The following FAM210A variants were observed in gnomAD, a reference collection of about 807,000 sequenced individuals.
The protein encoded by FAM210A is family with sequence similarity 210 member A.
FAM210A carries 13 observed loss-of-function variants against 25.3 expected under a neutral mutation model. The ratio of observed to expected loss-of-function variants is 0.51; its 90% CI spans 0.33 to 0.82. The LOEUF (loss-of-function observed/expected upper bound fraction) is 0.82. Among genes scored for constraint, FAM210A ranks in the 40% least tolerant of loss-of-function variants. The pLI, the probability that FAM210A is intolerant of heterozygous loss-of-function variation, is 0.02. For synonymous variants in FAM210A, 125 were observed against 118.7 expected (o/e 1.05, Z -0.35); for missense variants, 319 against 323.2 (o/e 0.99, Z 0.10).
At chr18:13,676,023 C>T (rs1371987657) in intron 2 of FAM210A, among the ~76,000 whole-genome samples, 2 of 111,886 alleles carry the variant, frequency 1.8e-5, no homozygotes, top group African/African-American at 5.9e-5. Context: ...ATTCCTGAGC[C>T]GCTGACCTCT....
At chr18:13,692,773 A>G (rs991617739) in intron 1 of FAM210A, among the ~76,000 whole-genome samples, 1 of 152,216 alleles carries the variant, frequency 6.6e-6, no homozygotes, top group Non-Finnish European at 1.5e-5. Context: ...TTTATACACT[A>G]AATGCCCACA....
intron 1 of FAM210A, among the ~76,000 whole-genome samples, chr18:13,691,181 T>C (rs529138436): frequency 1.3e-4 from 20 of 151,960 alleles, no homozygotes; most frequent in Non-Finnish European, 2.4e-4. Context: ...ATGAATGAAA[T>C]GAAGCAAGAA....
intron 1 of FAM210A, among the ~76,000 whole-genome samples, chr18:13,693,371 G>A (rs1365422443): frequency 6.6e-6 from 1 of 152,148 alleles, no homozygotes; most frequent in Admixed American, 6.5e-5. Flanking sequence ...AGAAAAAGAG[G>A]GAATCCTCCC....
chr18:13,722,780 C>T (rs1012351632), intron 1 of FAM210A, among the ~76,000 whole-genome samples: 10 of 152,076 alleles, frequency 6.6e-5, no homozygotes, highest in African/African-American at 2.2e-4. Context: ...GACACAGAAA[C>T]TTTTCAGGTC....
chr18:13,719,767 G>A (rs1455118768), intron 1 of FAM210A, among the ~76,000 whole-genome samples: 1 of 151,852 alleles, frequency 6.6e-6, no homozygotes, highest in Non-Finnish European at 1.5e-5. Context: ...GCTGTACCAA[G>A]GCAAAAAAAT....
At chr18:13,696,034 T>C (rs1318692867) in intron 1 of FAM210A, among the ~76,000 whole-genome samples, 1 of 152,138 alleles carries the variant, frequency 6.6e-6, no homozygotes, top group African/African-American at 2.4e-5. Flanking sequence ...AAACAACATA[T>C]GTATGAGACC....
Position 13,671,921 on chromosome 18 carries a change from CCA to C in FAM210A, c.524_525del (p.Val175GlyfsTer20). The part of the protein sequence containing the change: ...FLELIGLPDS[V>X]VSILKNSQSG... ...CTCTGGGAGTTTTTCAGGATGCTTA[CCA>C]CACTGTCAGGTAACCCAATGAGTTC... On this transcript the variant is annotated frameshift_variant, in exon 3 of 4. Transcript: ENST00000651643. LOFTEE classifies it high-confidence loss of function. 6.2e-7 allele frequency: 1 copy of C among 1,613,416 alleles called. No homozygotes were observed. The highest frequency in any genetic ancestry group is 8.5e-7 in the Non-Finnish European group (1 of 1,179,790).
At chr18:13,693,369 A>T (rs894386461) in intron 1 of FAM210A, among the ~76,000 whole-genome samples, 6 of 152,264 alleles carry the variant, frequency 3.9e-5, no homozygotes, top group African/African-American at 1.4e-4. Context: ...ACAGAAAAAG[A>T]GGGAATCCTC....
At chr18:13,694,487 C>T (rs1257543024) in intron 1 of FAM210A, among the ~76,000 whole-genome samples, 1 of 152,154 alleles carries the variant, frequency 6.6e-6, no homozygotes, top group Non-Finnish European at 1.5e-5. Context: ...CTACAGTAAC[C>T]AAAACAGCAT....
chr18:13,688,545 C>T (rs1264630485), intron 1 of FAM210A, among the ~76,000 whole-genome samples: 1 of 152,240 alleles, frequency 6.6e-6, no homozygotes, highest in Non-Finnish European at 1.5e-5. Context: ...TAAAATTCTC[C>T]ATATTCATTA....
At chr18:13,673,248 C>T (rs1423941288) in intron 2 of FAM210A, among the ~76,000 whole-genome samples, 13 of 151,832 alleles carry the variant, frequency 8.6e-5, no homozygotes, top group Non-Finnish European at 1.8e-4. Context: ...TGAGCCCCGA[C>T]TTCATTTCCA....
At chr18:13,698,126 G>A (rs1601958267) in intron 1 of FAM210A, among the ~76,000 whole-genome samples, 1 of 152,098 alleles carries the variant, frequency 6.6e-6, no homozygotes, top group South Asian at 2.1e-4. Flanking sequence ...GCTGAGGCAG[G>A]TGGCTCACCT....
rs2043375535 is a variant in FAM210A at position 13,663,420 on chromosome 18, T to G, written c.*3060A>C. On this transcript the variant is annotated 3_prime_UTR_variant, in exon 4 of 4. Coordinates refer to ENST00000651643, the MANE Select transcript of FAM210A (RefSeq NM_152352.4). ...AATCTCAGTATAAGCATTCTTTTTC[T>G]CCTTTCTTGAAATCTGTAAACAGCA... 2.0e-5 allele frequency: 3 copies of G among 152,112 alleles called. No individual in the cohort carries two copies. Among genetic ancestry groups the G allele is most frequent in the South Asian group, 2.1e-4 (1 of 4,826 alleles). The allele number at this position is 152,112 out of a possible 1,614,324, so 9.4% of individuals were successfully genotyped here. A position where few individuals can be genotyped will look rare whatever the true frequency, so the allele number is the denominator to read the frequency against.
chr18:13,715,548 G>A (rs1401093551), intron 1 of FAM210A, among the ~76,000 whole-genome samples: 1 of 152,054 alleles, frequency 6.6e-6, no homozygotes, highest in East Asian at 1.9e-4. Context: ...ATGACAAACT[G>A]GGCAGTCACT....
At chr18:13,722,119 T>A (rs2043901839) in intron 1 of FAM210A, among the ~76,000 whole-genome samples, 2 of 151,946 alleles carry the variant, frequency 1.3e-5, no homozygotes, top group South Asian at 2.1e-4. Flanking sequence ...ACTCTTCTGC[T>A]TATAGAGATC....
chr18:13,725,155 T>G (rs1250577064), intron 1 of FAM210A, among the ~76,000 whole-genome samples: 4 of 152,212 alleles, frequency 2.6e-5, no homozygotes, highest in Non-Finnish European at 5.9e-5. Context: ...TCAAGAAACT[T>G]AAGCATCAGG....
chr18:13,686,844 C>T (rs2043601656), intron 1 of FAM210A, among the ~76,000 whole-genome samples: 1 of 152,086 alleles, frequency 6.6e-6, no homozygotes, highest in Non-Finnish European at 1.5e-5. Flanking sequence ...GTGAATTCTA[C>T]CAAACATTTA....
intron 1 of FAM210A, among the ~76,000 whole-genome samples, chr18:13,716,963 A>G (rs1460053211): frequency 6.6e-6 from 1 of 152,240 alleles, no homozygotes. Context: ...TGGACAAGGC[A>G]GAGCGGGAGC....
chr18:13,712,885 A>C (rs2043832671), intron 1 of FAM210A, among the ~76,000 whole-genome samples: 1 of 152,234 alleles, frequency 6.6e-6, no homozygotes, highest in Admixed American at 6.5e-5. Flanking sequence ...TGCAGTATAC[A>C]AAGACTGATA....
Sources: gnomAD v4.1 joint callset for allele counts (sites outside exome capture counted in the v4.1 genomes callset) on GRCh38, gnomAD v4.1.1 for gene constraint, MANE v1.5 for transcripts, NCBI Gene and HGNC (gene_info 2026-07-23, HGNC 2026-07-21) for gene names.